The following SLCO6A1 variants were observed in gnomAD, a reference collection of about 807,000 sequenced individuals.
SLCO6A1 encodes solute carrier organic anion transporter family member 6A1, also known as cancer/testis antigen 48.
A neutral mutation model predicts 72.7 loss-of-function variants in SLCO6A1; 65 were observed. That is an observed-to-expected ratio of 0.89 (90% CI 0.73 to 1.10). The LOEUF (loss-of-function observed/expected upper bound fraction) is 1.10, where lower values mean the gene tolerates loss of function less well. Among genes scored for constraint, SLCO6A1 ranks in the 50% least tolerant of loss-of-function variants. The probability of loss-of-function intolerance (pLI) is 0.00; values close to 1 mark genes in which losing one functional copy is unlikely to be tolerated. For synonymous variants in SLCO6A1, 314 were observed against 298.2 expected (o/e 1.05, Z -0.55); for missense variants, 874 against 872.6 (o/e 1.00, Z -0.02).
At chr5:102,493,145 A>T (rs1752758891) in intron 1 of SLCO6A1, among the ~76,000 whole-genome samples, 1 of 145,534 alleles carries the variant, frequency 6.9e-6, no homozygotes, top group Admixed American at 6.9e-5. Flanking sequence ...TAAGAAGGGG[A>T]AAAACATCCC....
chr5:102,455,231 T>C (rs528935666), intron 6 of SLCO6A1, among the ~76,000 whole-genome samples: 252 of 151,882 alleles, frequency 1.7e-3, no homozygotes, highest in Middle Eastern at 6.8e-3. Context: ...GTGGCTGGAA[T>C]GTGGAGGACA....
At chr5:102,477,643 TG>T (rs1751972096) in intron 3 of SLCO6A1, 32 bp downstream of exon 3, 1 of 1,573,482 alleles carries the variant, frequency 6.4e-7, no homozygotes, top group African/African-American at 1.4e-5. Flanking sequence ...AAACTCAAAA[TG>T]GGTCAATCGT....
chr5:102,391,152 A>G (rs924989396), intron 10 of SLCO6A1, 107 bp from the exon 11 acceptor site: 5 of 1,004,072 alleles, frequency 5.0e-6, no homozygotes, highest in Non-Finnish European at 7.7e-6. Flanking sequence ...CATCAATTGT[A>G]CTAAGAATCT....
At chr5:102,442,693 T>G (rs776614067) in intron 6 of SLCO6A1, among the ~76,000 whole-genome samples, 1 of 152,206 alleles carries the variant, frequency 6.6e-6, no homozygotes, top group Non-Finnish European at 1.5e-5. Flanking sequence ...CTGATGCAAT[T>G]TATCATAAGG....
At chr5:102,383,246 G>C (rs1369150683) in intron 12 of SLCO6A1, among the ~76,000 whole-genome samples, 1 of 151,180 alleles carries the variant, frequency 6.6e-6, no homozygotes, top group Admixed American at 6.6e-5. Flanking sequence ...TTGAATAGAA[G>C]TGGATAGAGC....
intron 6 of SLCO6A1, 58 bp from the exon 7 acceptor site, chr5:102,438,819 G>C: frequency 7.9e-7 from 1 of 1,259,518 alleles, no homozygotes; most frequent in East Asian, 2.8e-5. Context: ...AAGAGGAATA[G>C]ACAGAACCAA....
intron 6 of SLCO6A1, among the ~76,000 whole-genome samples, chr5:102,442,429 A>G (rs1246923223): frequency 6.6e-6 from 1 of 152,218 alleles, no homozygotes; most frequent in Non-Finnish European, 1.5e-5. Context: ...AGTGGTTATG[A>G]TAATTGAATA....
intron 4 of SLCO6A1, among the ~76,000 whole-genome samples, chr5:102,462,749 A>G (rs1371529008): frequency 6.6e-6 from 1 of 152,080 alleles, no homozygotes; most frequent in Non-Finnish European, 1.5e-5. Context: ...GTCTTACCTT[A>G]TTGTCTTACC....
At chr5:102,395,313 A>T (rs1202380346) in intron 10 of SLCO6A1, among the ~76,000 whole-genome samples, 1 of 151,830 alleles carries the variant, frequency 6.6e-6, no homozygotes, top group Non-Finnish European at 1.5e-5. Context: ...TCCTTGTGAT[A>T]GTTTGCTGAG....
At chr5:102,380,891 T>C (rs1470427881) in intron 12 of SLCO6A1, among the ~76,000 whole-genome samples, 1 of 151,948 alleles carries the variant, frequency 6.6e-6, no homozygotes, top group East Asian at 1.9e-4. Context: ...GAGTACTTTA[T>C]TTAGAGTAAG....
intron 6 of SLCO6A1, among the ~76,000 whole-genome samples, chr5:102,440,458 A>T (rs998818254): frequency 6.6e-6 from 1 of 152,124 alleles, no homozygotes; most frequent in African/African-American, 2.4e-5. Context: ...TCACCCCTAG[A>T]TGGGATGGTC....
At chr5:102,391,886 T>G (rs1419110500) in intron 10 of SLCO6A1, among the ~76,000 whole-genome samples, 1 of 151,676 alleles carries the variant, frequency 6.6e-6, no homozygotes, top group African/African-American at 2.4e-5. Context: ...TTCCTACTGA[T>G]CAAACCAAGC....
chr5:102,476,120 T>A (rs915871528), intron 3 of SLCO6A1, among the ~76,000 whole-genome samples: 15 of 151,894 alleles, frequency 9.9e-5, no homozygotes, highest in Admixed American at 9.9e-4. Flanking sequence ...ACTGCTTGGG[T>A]GATGGGTGCA....
intron 1 of SLCO6A1, among the ~76,000 whole-genome samples, chr5:102,493,088 G>A (rs972975998): frequency 2.8e-4 from 43 of 152,008 alleles, no homozygotes; most frequent in Admixed American, 1.7e-3. Flanking sequence ...TACACAAAGG[G>A]TACATAATGC....
At chr5:102,390,126 A>G (rs1186423649) in intron 11 of SLCO6A1, among the ~76,000 whole-genome samples, 1 of 152,116 alleles carries the variant, frequency 6.6e-6, no homozygotes, top group Non-Finnish European at 1.5e-5. Flanking sequence ...ATATCTATAG[A>G]CAGTTTATGT....
intron 6 of SLCO6A1, among the ~76,000 whole-genome samples, chr5:102,454,742 T>C (rs2112738621): frequency 6.6e-6 from 1 of 151,990 alleles, no homozygotes; most frequent in South Asian, 2.1e-4. Context: ...TTCTGAAGTG[T>C]TTTTAATAAT....
At chr5:102,471,283 T>C (rs1751597094) in intron 4 of SLCO6A1, among the ~76,000 whole-genome samples, 1 of 152,052 alleles carries the variant, frequency 6.6e-6, no homozygotes, top group Non-Finnish European at 1.5e-5. Context: ...AGTCTTGCTC[T>C]AAGTCTCTAA....
intron 7 of SLCO6A1, among the ~76,000 whole-genome samples, chr5:102,430,360 G>A (rs1482677437): frequency 6.6e-6 from 1 of 152,064 alleles, no homozygotes; most frequent in Non-Finnish European, 1.5e-5. Flanking sequence ...AATGGTGAGA[G>A]GGGGCATCCT....
At chr5:102,454,571 T>C (rs1277931503) in intron 6 of SLCO6A1, among the ~76,000 whole-genome samples, 1 of 152,128 alleles carries the variant, frequency 6.6e-6, no homozygotes, top group Non-Finnish European at 1.5e-5. Flanking sequence ...AAGTCTAAGA[T>C]TGTTACCAGG....
Sources: allele counts gnomAD v4.1 joint callset (sites outside exome capture counted in the v4.1 genomes callset), GRCh38; gene constraint gnomAD v4.1.1; transcripts MANE v1.5; gene names NCBI Gene and HGNC (gene_info 2026-07-23, HGNC 2026-07-21).